TMEM132D: variants seen among roughly 807,000 people sequenced by gnomAD.
TMEM132D encodes mature OL transmembrane protein.
TMEM132D carries 21 observed loss-of-function variants against 62.3 expected under a neutral mutation model. The ratio of observed to expected loss-of-function variants is 0.34; its 90% CI spans 0.24 to 0.49. TMEM132D has a LOEUF of 0.49. Among genes scored for constraint, TMEM132D ranks in the 20% least tolerant of loss-of-function variants. The pLI is 0.99. For missense variants in TMEM132D, 1,346 were observed against 1,402.8 expected (o/e 0.96, Z 0.65); for synonymous variants, 621 against 575.6 (o/e 1.08, Z -1.13).
chr12:129,326,598 C>T (rs919620774), intron 4 of TMEM132D, among the ~76,000 whole-genome samples: 1 of 152,224 alleles, frequency 6.6e-6, no homozygotes, highest in Non-Finnish European at 1.5e-5. Flanking sequence ...GCCCCACATG[C>T]AGGGTGGAAT....
intron 4 of TMEM132D, among the ~76,000 whole-genome samples, chr12:129,242,422 A>G (rs936255591): frequency 2.0e-5 from 3 of 152,218 alleles, no homozygotes; most frequent in African/African-American, 7.2e-5. Context: ...CTTGATAATT[A>G]TATATTTACA....
intron 4 of TMEM132D, among the ~76,000 whole-genome samples, chr12:129,264,616 A>T (rs1225580901): frequency 1.3e-5 from 2 of 152,206 alleles, no homozygotes; most frequent in Non-Finnish European, 1.5e-5. Context: ...ATACTTGTAC[A>T]TGAATGTTTA....
chr12:129,233,437 T>A (rs1365820951), intron 4 of TMEM132D, among the ~76,000 whole-genome samples: 2 of 152,142 alleles, frequency 1.3e-5, no homozygotes, highest in East Asian at 3.9e-4. Context: ...CTTTGGAAGT[T>A]CTTATATCCT....
chr12:129,819,389 A>C (rs1317155280), intron 1 of TMEM132D, among the ~76,000 whole-genome samples: 1 of 152,146 alleles, frequency 6.6e-6, no homozygotes, highest in African/African-American at 2.4e-5. Context: ...TCGTAATACC[A>C]TATACGATTT....
At chr12:129,344,367 A>G (rs1016635155) in intron 3 of TMEM132D, among the ~76,000 whole-genome samples, 2 of 152,166 alleles carry the variant, frequency 1.3e-5, no homozygotes, top group African/African-American at 4.8e-5. Flanking sequence ...ATGATACTGA[A>G]GAGGCCCCCG....
chr12:129,122,314 T>C (rs552311474), intron 5 of TMEM132D, among the ~76,000 whole-genome samples: 1 of 152,040 alleles, frequency 6.6e-6, no homozygotes, highest in Non-Finnish European at 1.5e-5. Context: ...GTGGGTGACA[T>C]AGAAGGAAAG....
At chr12:129,753,881 C>T (rs778039360) in intron 1 of TMEM132D, among the ~76,000 whole-genome samples, 10 of 152,142 alleles carry the variant, frequency 6.6e-5, no homozygotes, top group Non-Finnish European at 1.2e-4. Flanking sequence ...TTGTCATAAC[C>T]TTTCGCTTCA....
chr12:129,388,795 T>G (rs1245796242), intron 3 of TMEM132D, among the ~76,000 whole-genome samples: 1 of 103,328 alleles, frequency 9.7e-6, no homozygotes, highest in Non-Finnish European at 2.1e-5. Flanking sequence ...ATGATAATAT[T>G]AACACCAACA....
chr12:129,661,097 G>C (rs1347204861), intron 2 of TMEM132D, among the ~76,000 whole-genome samples: 1 of 152,220 alleles, frequency 6.6e-6, no homozygotes, highest in East Asian at 1.9e-4. Flanking sequence ...GTCACTTCTA[G>C]GAGATTCGGT....
chr12:129,530,720 C>G (rs1317408168), intron 3 of TMEM132D, among the ~76,000 whole-genome samples: 1 of 152,100 alleles, frequency 6.6e-6, no homozygotes, highest in East Asian at 1.9e-4. Flanking sequence ...TGGGCCGTTT[C>G]ATGAGACATG....
chr12:129,656,686 G>A (rs1350362724), intron 2 of TMEM132D, among the ~76,000 whole-genome samples: 1 of 152,200 alleles, frequency 6.6e-6, no homozygotes, highest in Non-Finnish European at 1.5e-5. Flanking sequence ...GGAAATGAAA[G>A]CCTGGTATTG....
intron 3 of TMEM132D, among the ~76,000 whole-genome samples, chr12:129,380,998 G>T (rs76806711): frequency 0.033 from 4,984 of 152,200 alleles, 117 homozygotes; most frequent in Middle Eastern, 0.071. Flanking sequence ...TTTGGATAAG[G>T]GTGTAAAGAA....
chr12:129,577,427 T>C (rs1877700981), intron 2 of TMEM132D, among the ~76,000 whole-genome samples: 1 of 148,174 alleles, frequency 6.7e-6, no homozygotes, highest in South Asian at 2.1e-4. Flanking sequence ...TATATAAATA[T>C]ATATCTATAT....
intron 5 of TMEM132D, among the ~76,000 whole-genome samples, chr12:129,119,499 T>C (rs1348183119): frequency 2.0e-5 from 3 of 152,236 alleles, no homozygotes; most frequent in Non-Finnish European, 4.4e-5. Flanking sequence ...GAGGCCATTA[T>C]CCTAACTAAG....
chr12:129,386,807 C>T (rs550081723), intron 3 of TMEM132D, among the ~76,000 whole-genome samples: 142 of 151,938 alleles, frequency 9.3e-4, no homozygotes, highest in African/African-American at 3.3e-3. Context: ...AATACTAACA[C>T]GAACACCAAT....
At chr12:129,108,359 G>A (rs536130115) in intron 5 of TMEM132D, among the ~76,000 whole-genome samples, 61 of 152,314 alleles carry the variant, frequency 4.0e-4, no homozygotes, top group African/African-American at 1.4e-3. Flanking sequence ...AGGTGGGGCC[G>A]AGAGAGGCTG....
chr12:129,777,487 C>G (rs1025814722), intron 1 of TMEM132D, among the ~76,000 whole-genome samples: 1 of 152,214 alleles, frequency 6.6e-6, no homozygotes, highest in African/African-American at 2.4e-5. Flanking sequence ...AACGGCCACC[C>G]AGCCTACTTC....
Position 129,168,552 on chromosome 12 carries a change from C to T in TMEM132D, c.1443+40968G>A, listed in dbSNP as rs563922124. 2.0e-5 allele frequency among the ~76,000 whole-genome samples: 3 copies of T among 152,280 alleles called. No homozygotes were observed. The East Asian group carries it at 5.8e-4, about 29-fold the overall frequency. ...TGCCTTTCACGTCCAGCTTCCTTCA[C>T]CTAATATGACGTCCTCAAGGTCCAC... On this transcript the variant is annotated intron_variant, in intron 5 of 8. Coordinates refer to ENST00000422113, the MANE Select transcript of TMEM132D (RefSeq NM_133448.3).
intron 3 of TMEM132D, among the ~76,000 whole-genome samples, chr12:129,426,935 G>C (rs1872517822): frequency 6.6e-6 from 1 of 152,222 alleles, no homozygotes; most frequent in Non-Finnish European, 1.5e-5. Context: ...GTGCAGGCTA[G>C]CTTAGAGATA....
Sources: allele counts gnomAD v4.1 joint callset (sites outside exome capture counted in the v4.1 genomes callset), GRCh38; gene constraint gnomAD v4.1.1; transcripts MANE v1.5; gene names NCBI Gene and HGNC (gene_info 2026-07-23, HGNC 2026-07-21).